Variants in KCNU1 observed in about 807,000 individuals in gnomAD.
The protein encoded by KCNU1 is potassium calcium-activated channel subfamily U member 1, also known as potassium channel subfamily U member 1.
Under a neutral mutation model 126.8 loss-of-function variants are expected in KCNU1, and 93 were observed. The observed-to-expected ratio is 0.73, with a 90% confidence interval of 0.62 to 0.87. The LOEUF (loss-of-function observed/expected upper bound fraction) is 0.87, where lower values mean the gene tolerates loss of function less well. Among genes scored for constraint, KCNU1 ranks in the 40% least tolerant of loss-of-function variants. The pLI is 0.00. For synonymous variants in KCNU1, 523 were observed against 494.2 expected, an observed-to-expected ratio of 1.06 and a Z score of -0.77; for missense variants, 1,330 against 1,367.1, an observed-to-expected ratio of 0.97 and a Z score of 0.43.
chr8:36,932,828 C>T (rs1282897533), intron 25 of KCNU1, 92 bp from the exon 26 acceptor site: 3 of 720,630 alleles, frequency 4.2e-6, no homozygotes, highest in East Asian at 5.4e-5. Context: ...CAAGCTTCTA[C>T]TACCAGATAA....
At chr8:36,933,373 A>G (rs751183941) in intron 26 of KCNU1, among the ~76,000 whole-genome samples, 1 of 152,120 alleles carries the variant, frequency 6.6e-6, no homozygotes, top group African/African-American at 2.4e-5. Flanking sequence ...GAATTCCACT[A>G]TCTACATTTG....
At chr8:36,888,066 C>T (rs376137350) in intron 19 of KCNU1, among the ~76,000 whole-genome samples, 1 of 151,660 alleles carries the variant, frequency 6.6e-6, no homozygotes, top group Non-Finnish European at 1.5e-5. Flanking sequence ...TTCAGTTGGT[C>T]GGGGAAAGGG....
chr8:36,795,693 T>C (rs1803071809), intron 2 of KCNU1: 2 of 152,372 alleles, frequency 1.3e-5, no homozygotes, highest in African/African-American at 4.8e-5. Context: ...ATCAAGTTGA[T>C]GAATTCACTG....
At chr8:36,928,884 C>T in intron 24 of KCNU1, 4 of 604,084 alleles carry the variant, frequency 6.6e-6, no homozygotes, top group Non-Finnish European at 1.2e-5. Flanking sequence ...ATTCCCATTC[C>T]TGTCCATATA....
intron 10 of KCNU1, among the ~76,000 whole-genome samples, chr8:36,826,710 C>CT (rs911861831): frequency 2.0e-5 from 3 of 151,500 alleles, no homozygotes; most frequent in Non-Finnish European, 4.4e-5. Flanking sequence ...ACATTTGATT[C>CT]TTTTTTTTAA....
chr8:36,811,017 A>G (rs1193950951), intron 7 of KCNU1, among the ~76,000 whole-genome samples: 1 of 152,172 alleles, frequency 6.6e-6, no homozygotes, highest in Non-Finnish European at 1.5e-5. Context: ...GAAGTGTATT[A>G]CAGACCTGAA....
intron 7 of KCNU1, 131 bp downstream of exon 7, chr8:36,808,924 C>T: frequency 1.6e-6 from 1 of 628,424 alleles, no homozygotes; most frequent in Non-Finnish European, 2.8e-6. Flanking sequence ...TTTCTACTTC[C>T]CATTTTCAGG....
At chr8:36,884,104 G>A (rs540619877) in intron 19 of KCNU1, among the ~76,000 whole-genome samples, 67 of 152,072 alleles carry the variant, frequency 4.4e-4, no homozygotes, top group African/African-American at 1.4e-3. Context: ...CCACAATTCC[G>A]GCACATAAAA....
intron 16 of KCNU1, among the ~76,000 whole-genome samples, chr8:36,843,982 C>T (rs922648953): frequency 2.0e-5 from 3 of 152,142 alleles, no homozygotes; most frequent in Admixed American, 6.5e-5. Context: ...AAGAGAGGCT[C>T]ACCTCTTTTC....
chr8:36,920,559 G>T (rs1279689968), intron 23 of KCNU1, among the ~76,000 whole-genome samples: 1 of 152,130 alleles, frequency 6.6e-6, no homozygotes. Context: ...TTGTTGTCTG[G>T]CTGGCTGGAA....
chr8:36,786,365 T>G (rs1802712011), intron 1 of KCNU1, among the ~76,000 whole-genome samples: 1 of 152,222 alleles, frequency 6.6e-6, no homozygotes, highest in Non-Finnish European at 1.5e-5. Context: ...AGACAACATT[T>G]AGAAACCGAC....
rs539118908 is a variant in KCNU1 at position 36,817,359 on chromosome 8, C to T, written c.996-291C>T. 8.6e-5 allele frequency among the ~76,000 whole-genome samples: 13 copies of T among 151,858 alleles called. No individual in the cohort carries two copies. In the East Asian group the frequency reaches 2.3e-3, roughly 27 times the overall value. On this transcript the variant is annotated intron_variant, in intron 9 of 26. Coordinates refer to ENST00000399881, the MANE Select transcript of KCNU1 (RefSeq NM_001031836.3). ...CTAAAAAAATACAAAATTAGCTGGGCGTGGTGGCGCATGCCTTTAATCCCA... is the reference window on the plus strand; with the variant it reads ...CTAAAAAAATACAAAATTAGCTGGGTGTGGTGGCGCATGCCTTTAATCCCA...
intron 19 of KCNU1, among the ~76,000 whole-genome samples, chr8:36,878,132 C>G (rs1417419039): frequency 6.6e-6 from 1 of 152,074 alleles, no homozygotes; most frequent in Non-Finnish European, 1.5e-5. Context: ...AAAAATATGT[C>G]TCTTATGTGG....
chr8:36,838,811 T>G (rs1419417986), intron 14 of KCNU1, among the ~76,000 whole-genome samples: 1 of 152,238 alleles, frequency 6.6e-6, no homozygotes, highest in East Asian at 1.9e-4. Flanking sequence ...AATTGAGAGA[T>G]ATTTATGGTC....
At chr8:36,909,160 T>G in intron 20 of KCNU1, 151 bp from the exon 21 acceptor site, 1 of 625,886 alleles carries the variant, frequency 1.6e-6, no homozygotes, top group Non-Finnish European at 2.9e-6. Flanking sequence ...TGAGTTCTGT[T>G]TTTTATAAAC....
At position 36,845,833 on chromosome 8, in the gene KCNU1, G is replaced by T; in HGVS notation, c.1825G>T (p.Asp609Tyr). ...ALFYCSVCHD[D>Y]VFIPELITNC... ...GTTTTACTGTTCAGTCTGTCATGAT[G>T]ATGTGTTCATTCCTGAGCTAATTAC... Residue 609 changes from aspartate to tyrosine, a missense_variant, in exon 18 of 27, where the codon GAT becomes TAT. This residue lies in a region of KCNU1 where 1,054 missense variants were observed against 1,053.9 expected (regional missense o/e 1.00). Transcript: ENST00000399881. 6.2e-7 allele frequency: 1 copy of T among 1,610,238 alleles called. No individual in the cohort carries two copies. The highest frequency in any genetic ancestry group is 8.5e-7 in the Non-Finnish European group (1 of 1,177,616).
At chr8:36,800,705 T>C (rs567916099) in intron 2 of KCNU1, among the ~76,000 whole-genome samples, 1 of 152,326 alleles carries the variant, frequency 6.6e-6, no homozygotes, top group South Asian at 2.1e-4. Context: ...ACAGCTCTTC[T>C]CAGAATTATC....
chr8:36,841,967 A>G (rs535330499), intron 16 of KCNU1, among the ~76,000 whole-genome samples: 1 of 149,962 alleles, frequency 6.7e-6, no homozygotes, highest in East Asian at 2.0e-4. Context: ...AATATAGAGA[A>G]AAAGATCTGT....
intron 2 of KCNU1, among the ~76,000 whole-genome samples, chr8:36,802,350 G>A (rs1025074488): frequency 1.3e-5 from 2 of 152,116 alleles, no homozygotes; most frequent in Admixed American, 1.3e-4. Context: ...GGACCACTCA[G>A]AAATCTCAGT....
Sources: allele counts gnomAD v4.1 joint callset (sites outside exome capture counted in the v4.1 genomes callset), GRCh38; gene constraint gnomAD v4.1.1; regional missense constraint gnomAD v4.1.1; transcripts MANE v1.5; gene names NCBI Gene and HGNC (gene_info 2026-07-23, HGNC 2026-07-21).